MTCL3: variants seen among roughly 807,000 people sequenced by gnomAD.
MTCL3 encodes MTCL family member 3, also known as microtubule cross-linking factor 3.
the MTCL3 span, among the ~76,000 whole-genome samples, chr6:127,499,887 C>T: frequency 6.6e-6 from 1 of 152,250 alleles, no homozygotes; most frequent in South Asian, 2.1e-4. Flanking sequence ...TTTACAACAC[C>T]ACATTTTTAG....
At chr6:127,496,970 T>G in the MTCL3 span, among the ~76,000 whole-genome samples, 17 of 152,112 alleles carry the variant, frequency 1.1e-4, no homozygotes, top group Non-Finnish European at 2.1e-4. Flanking sequence ...AAAGGTAAAT[T>G]CATAGATAAA....
At chr6:127,510,357 G>T in the MTCL3 span, among the ~76,000 whole-genome samples, 1 of 152,182 alleles carries the variant, frequency 6.6e-6, no homozygotes, top group Non-Finnish European at 1.5e-5. Flanking sequence ...TAGTCACAGG[G>T]AAGAGTGTGA....
At chr6:127,503,412 A>C in the MTCL3 span, among the ~76,000 whole-genome samples, 1 of 152,222 alleles carries the variant, frequency 6.6e-6, no homozygotes. Flanking sequence ...AATTTTCCAT[A>C]TCTCTCCAGC....
the MTCL3 span, among the ~76,000 whole-genome samples, chr6:127,489,784 A>G: frequency 1.3e-5 from 2 of 152,246 alleles, no homozygotes; most frequent in African/African-American, 2.4e-5. Context: ...GCATTGGTAC[A>G]TGAGGTTTAA....
At chr6:127,500,134 G>C in the MTCL3 span, among the ~76,000 whole-genome samples, 2 of 152,110 alleles carry the variant, frequency 1.3e-5, no homozygotes, top group Non-Finnish European at 2.9e-5. Context: ...CATCTTGGGT[G>C]AATTCTGTTT....
the MTCL3 span, chr6:127,476,593 CAG>C: frequency 4.1e-6 from 3 of 730,670 alleles, no homozygotes; most frequent in Non-Finnish European, 6.5e-6. This position sits in a 1 kb window ranked among gnomAD's most constrained non-coding sequence, Gnocchi z 4.4. Flanking sequence ...CAGAGAGAAA[CAG>C]AAGCAGATAC....
At chr6:127,483,109 T>A in the MTCL3 span, 1 of 704,162 alleles carries the variant, frequency 1.4e-6, no homozygotes, top group Non-Finnish European at 2.2e-6. Flanking sequence ...TCAATAATCA[T>A]AAAAGGAGGA....
At chr6:127,485,483 A>G in the MTCL3 span, among the ~76,000 whole-genome samples, 3 of 152,160 alleles carry the variant, frequency 2.0e-5, no homozygotes, top group African/African-American at 7.2e-5. Flanking sequence ...GGAGCACTAA[A>G]TGCTCCTATT....
At chr6:127,478,849 T>G in the MTCL3 span, among the ~76,000 whole-genome samples, 7 of 151,986 alleles carry the variant, frequency 4.6e-5, no homozygotes, top group South Asian at 1.5e-3. Context: ...AAACCCCATC[T>G]CTATTAAAAA....
At chr6:127,510,706 T>C in the MTCL3 span, among the ~76,000 whole-genome samples, 2 of 152,170 alleles carry the variant, frequency 1.3e-5, no homozygotes, top group African/African-American at 4.8e-5. Flanking sequence ...TCAAGGAATA[T>C]GAGAGAGCAC....
the MTCL3 span, chr6:127,475,229 C>T: frequency 6.6e-7 from 1 of 1,506,628 alleles, no homozygotes; most frequent in Non-Finnish European, 8.9e-7. This position sits in a 1 kb window ranked among gnomAD's most constrained non-coding sequence, Gnocchi z 7.3. Context: ...GAGACGCCCC[C>T]CAGGGACGCG....
chr6:127,515,035 C>G, the MTCL3 span: 2 of 1,613,956 alleles, frequency 1.2e-6, no homozygotes, highest in African/African-American at 2.7e-5. The surrounding 1 kb of genome is among the most constrained non-coding windows in gnomAD (Gnocchi z 4.3). Context: ...GTTCTCAGCT[C>G]ATCGATCTCG....
At chr6:127,499,668 ATTC>A in the MTCL3 span, among the ~76,000 whole-genome samples, 1 of 152,144 alleles carries the variant, frequency 6.6e-6, no homozygotes, top group African/African-American at 2.4e-5. Context: ...TGAACCGGGT[ATTC>A]TTCTTTAGCT....
At chr6:127,475,538 C>A in the MTCL3 span, 2 of 1,612,448 alleles carry the variant, frequency 1.2e-6, no homozygotes, top group Non-Finnish European at 1.7e-6. This position sits in a 1 kb window ranked among gnomAD's most constrained non-coding sequence, Gnocchi z 7.3. Flanking sequence ...ATGAGCCGGT[C>A]GATGGTCTTG....
chr6:127,511,866 A>G, the MTCL3 span, among the ~76,000 whole-genome samples: 3 of 152,146 alleles, frequency 2.0e-5, no homozygotes, highest in East Asian at 5.8e-4. Flanking sequence ...TGTTATTTGC[A>G]TTATATTTTT....
the MTCL3 span, among the ~76,000 whole-genome samples, chr6:127,474,217 C>T: frequency 1.2e-4 from 18 of 151,374 alleles, no homozygotes; most frequent in African/African-American, 4.1e-4. Flanking sequence ...AAAACCATGT[C>T]TCTTTACCAC....
the MTCL3 span, among the ~76,000 whole-genome samples, chr6:127,478,602 A>C: frequency 2.6e-5 from 4 of 152,342 alleles, no homozygotes; most frequent in East Asian, 7.7e-4. Context: ...TAGATTACTA[A>C]GATTACAGCT....
the MTCL3 span, among the ~76,000 whole-genome samples, chr6:127,483,166 C>T: frequency 6.6e-6 from 1 of 152,034 alleles, no homozygotes; most frequent in Admixed American, 6.5e-5. Context: ...TTACTTTGGA[C>T]TAGGATACAC....
the MTCL3 span, chr6:127,475,570 C>T: frequency 1.2e-6 from 2 of 1,608,866 alleles, no homozygotes; most frequent in Non-Finnish European, 1.7e-6. The surrounding 1 kb of genome is among the most constrained non-coding windows in gnomAD (Gnocchi z 7.3). Flanking sequence ...GGCCTCCGAG[C>T]GGATGTCCTT....
Sources: allele counts gnomAD v4.1 joint callset (sites outside exome capture counted in the v4.1 genomes callset), GRCh38; gene constraint gnomAD v4.1.1; non-coding constraint Gnocchi (gnomAD v3.1); transcripts MANE v1.5; gene names NCBI Gene and HGNC (gene_info 2026-07-23, HGNC 2026-07-21).